LBP: variants seen among roughly 807,000 people sequenced by gnomAD.
The protein encoded by LBP is lipopolysaccharide binding protein, also known as lipopolysaccharide-binding protein.
A neutral mutation model predicts 56.6 loss-of-function variants in LBP; 53 were observed. That is an observed-to-expected ratio of 0.94 (90% confidence interval 0.75 to 1.18). The LOEUF (loss-of-function observed/expected upper bound fraction) is 1.18, where lower values mean the gene tolerates loss of function less well. Ranked by LOEUF, LBP falls within the 50% of genes most tolerant of loss-of-function variation. The pLI, the probability that LBP is intolerant of heterozygous loss-of-function variation, is 0.00. For synonymous variants in LBP, 227 were observed against 247.5 expected (o/e 0.92, Z 0.78); for missense variants, 601 against 598.3 (o/e 1.00, Z -0.05).
intron 11 of LBP, 74 bp from the exon 12 acceptor site, chr20:38,371,206 C>A: frequency 8.1e-7 from 1 of 1,227,662 alleles, no homozygotes; most frequent in Non-Finnish European, 1.2e-6. Flanking sequence ...CATCCTTTCT[C>A]GCTTCTGGGG....
At chr20:38,354,778 A>G (rs972162085) in intron 4 of LBP, among the ~76,000 whole-genome samples, 26 of 152,110 alleles carry the variant, frequency 1.7e-4, no homozygotes, top group African/African-American at 6.3e-4. Context: ...TTCTAGTCTC[A>G]GTTTCCTTGA....
At chr20:38,373,288 A>T (rs1378681578) in intron 13 of LBP, among the ~76,000 whole-genome samples, 153 bp downstream of exon 13, 2 of 152,072 alleles carry the variant, frequency 1.3e-5, no homozygotes, top group Non-Finnish European at 2.9e-5. Flanking sequence ...GTGACATGGG[A>T]TCGTTGAAGT....
At chr20:38,360,652 C>A in intron 5 of LBP, 52 bp from the exon 6 acceptor site, 2 of 1,297,030 alleles carry the variant, frequency 1.5e-6, no homozygotes, top group South Asian at 1.2e-5. Flanking sequence ...CAGCACGGGG[C>A]CAGACCAGAG....
rs774028391 is a variant in LBP at position 38,350,802 on chromosome 20, T to G, written c.240-9T>G. 1 of 1,598,458 alleles carries G rather than the reference T, an allele frequency of 6.3e-7. No homozygotes were observed. The highest frequency in any genetic ancestry group is 2.2e-5 in the East Asian group (1 of 44,472). On this transcript the variant is annotated splice_polypyrimidine_tract_variant and intron_variant, in intron 2 of 14. Transcript: ENST00000217407. ...GGGCTGACACCTCCTTCCATGTCTC[T>G]CCCTTCAGCCTGAACATCCACAGCT...
chr20:38,359,306 C>T (rs2122607710), intron 5 of LBP, among the ~76,000 whole-genome samples: 1 of 152,250 alleles, frequency 6.6e-6, no homozygotes, highest in South Asian at 2.1e-4. Flanking sequence ...TGGGGCCGGG[C>T]ATGGTGGCTC....
Position 38,361,827 on chromosome 20 carries a change from G to A in LBP, c.652+1060G>A, listed in dbSNP as rs113577957. Among the ~76,000 whole-genome samples, 971 of 151,878 alleles carry A rather than the reference G, an allele frequency of 6.4e-3. 10 individuals are homozygous for A. The highest frequency in any genetic ancestry group is 0.022 in the African/African-American group (901 of 41,424). ...AGCTCCCAACCGAGAAACAGAACAC[G>A]GCTGGTTTTTCAGAGCCCCTGGTGT... is the stretch of plus-strand genomic sequence containing the variant. On this transcript the variant is annotated intron_variant, in intron 6 of 14. Transcript: ENST00000217407.
At chr20:38,375,890 G>C (rs950098238) in intron 14 of LBP, among the ~76,000 whole-genome samples, 5 of 152,168 alleles carry the variant, frequency 3.3e-5, no homozygotes, top group African/African-American at 1.2e-4. Context: ...CTGGCCAACT[G>C]TTCTATCTAA....
chr20:38,371,350 T>C, intron 12 of LBP, 28 bp downstream of exon 12: 1 of 1,473,144 alleles, frequency 6.8e-7, no homozygotes, highest in South Asian at 1.1e-5. Flanking sequence ...ATGACATGAT[T>C]AGAATGTTAA....
At chr20:38,366,136 T>C (rs2076880913) in intron 8 of LBP, among the ~76,000 whole-genome samples, 1 of 152,154 alleles carries the variant, frequency 6.6e-6, no homozygotes, top group African/African-American at 2.4e-5. Flanking sequence ...AATGTCAGGA[T>C]GGTGGGAGAA....
chr20:38,352,491 A>C (rs2076823872), intron 3 of LBP, among the ~76,000 whole-genome samples: 1 of 152,246 alleles, frequency 6.6e-6, no homozygotes, highest in East Asian at 1.9e-4. Flanking sequence ...ACGGTGGCTC[A>C]TGCCTGTAAT....
Position 38,376,923 on chromosome 20 carries a change from G to T in LBP, c.*254G>T. On this transcript the variant is annotated 3_prime_UTR_variant, in exon 15 of 15. Coordinates refer to ENST00000217407, the MANE Select transcript of LBP (RefSeq NM_004139.5). The stretch of plus-strand genomic sequence containing the variant: ...TGGCCTGGGATATCTTTACAAGCAG[G>T]CACTGTATTTTTTTATTCGCCATCT... 1.5e-6 allele frequency: 1 copy of T among 645,674 alleles called. No homozygotes were observed. The allele number at this position is 645,674 out of a possible 1,614,324, so 40.0% of individuals were successfully genotyped here. A position where few individuals can be genotyped will look rare whatever the true frequency, so the allele number is the denominator to read the frequency against.
At chr20:38,366,333 T>C (rs147930561) in intron 8 of LBP, among the ~76,000 whole-genome samples, 2 of 152,334 alleles carry the variant, frequency 1.3e-5, no homozygotes, top group African/African-American at 2.4e-5. Flanking sequence ...TGATAATAGC[T>C]ACGTTTTATG....
At chr20:38,352,236 T>C (rs2076822939) in intron 3 of LBP, among the ~76,000 whole-genome samples, 1 of 152,060 alleles carries the variant, frequency 6.6e-6, no homozygotes, top group African/African-American at 2.4e-5. Context: ...CTTCAACATC[T>C]GAATTTGGGA....
Position 38,350,920 on chromosome 20 carries a change from A to T in LBP, c.349A>T (p.Lys117Ter). 1 of 1,613,828 alleles carries T rather than the reference A, an allele frequency of 6.2e-7. No individual in the cohort carries two copies. The highest frequency in any genetic ancestry group is 8.5e-7 in the Non-Finnish European group (1 of 1,179,828). Reference protein sequence around the residue: ...DSSIRVQGRWKVRKSFFKLQG... With the variant: ...DSSIRVQGRW ...CTCCATCCGGGTCCAGGGCAGGTGG[A>T]AGGTGCGCAAGTCATTCTTGTAAGT... Residue 117 changes from lysine (K) to a stop codon, truncating the protein, a stop_gained, in exon 3 of 15, where the codon AAG becomes TAG. Coordinates refer to ENST00000217407, the MANE Select transcript of LBP (RefSeq NM_004139.5). LOFTEE classifies it high-confidence loss of function.
At chr20:38,356,436 A>G (rs949581129) in intron 5 of LBP, among the ~76,000 whole-genome samples, 10 of 141,088 alleles carry the variant, frequency 7.1e-5, no homozygotes, top group African/African-American at 2.5e-4. Context: ...ACACACACAC[A>G]CACACACACA....
intron 6 of LBP, among the ~76,000 whole-genome samples, chr20:38,362,042 T>C (rs1016510442): frequency 5.0e-4 from 75 of 151,018 alleles, no homozygotes; most frequent in Non-Finnish European, 8.4e-4. Flanking sequence ...CACGCCTTTA[T>C]TTTTTGTTTT....
In LBP at chr20:38,372,937, A is replaced by G. The variant is rs1026815347; in HGVS notation, c.1261-135A>G. 1.7e-5 allele frequency: 12 copies of G among 724,594 alleles called. No homozygotes were observed. The Admixed American group carries it at 1.8e-4, about 11-fold the overall frequency. The allele number at this position is 724,594 out of a possible 1,614,324, so 44.9% of individuals were successfully genotyped here. A position where few individuals can be genotyped will look rare whatever the true frequency, so the allele number is the denominator to read the frequency against. On this transcript the variant is annotated intron_variant, in intron 12 of 14. Transcript: ENST00000217407. ...TTGCATACCAAATGTTCATCTCAAA[A>G]GAGTTTTATCTTATAAAATAGTAGC...
chr20:38,347,474 G>A (rs1218785816), intron 1 of LBP, among the ~76,000 whole-genome samples: 5 of 152,152 alleles, frequency 3.3e-5, no homozygotes, highest in Non-Finnish European at 1.5e-5. Context: ...AACCCGGGAG[G>A]CAGAGGTTGC....
intron 8 of LBP, among the ~76,000 whole-genome samples, chr20:38,366,507 G>A (rs181398721): frequency 6.6e-6 from 1 of 152,336 alleles, no homozygotes; most frequent in Admixed American, 6.5e-5. Context: ...ACAAACCGAA[G>A]TCTGTGTGAC....
Sources: allele counts gnomAD v4.1 joint callset (sites outside exome capture counted in the v4.1 genomes callset), GRCh38; gene constraint gnomAD v4.1.1; transcripts MANE v1.5; gene names NCBI Gene and HGNC (gene_info 2026-07-23, HGNC 2026-07-21).